Variants in CCDC8 observed in about 807,000 individuals in gnomAD.
The protein encoded by CCDC8 is coiled-coil domain-containing protein 8.
Under a neutral mutation model 5.2 loss-of-function variants are expected in CCDC8, and 6 were observed. The observed-to-expected ratio is 1.16, with a 90% confidence interval of 0.63 to 2.28. CCDC8 has a LOEUF of 2.28. Ranked by LOEUF, CCDC8 falls within the 30% of genes most tolerant of loss-of-function variation. CCDC8 has a pLI of 0.00. For synonymous variants in CCDC8, 310 were observed against 286.5 expected (o/e 1.08, Z -0.83); for missense variants, 724 against 712.2 (o/e 1.02, Z -0.19).
rs1315461195 is a variant in CCDC8, at chr19:46,411,552, G to A, written c.1259C>T (p.Pro420Leu). 2 of 1,611,044 alleles carry A rather than the reference G, an allele frequency of 1.2e-6. No individual in the cohort carries two copies. Among genetic ancestry groups the A allele is most frequent in the Non-Finnish European group, 1.7e-6 (2 of 1,179,440 alleles). ...EAVHDQRERA[P>L]AVQGADNQRA... ...CTGATTATCTGCACCCTGGACAGCT[G>A]GGGCCCTTTCCCTCTGGTCATGTAC... The change falls in exon 1 of 1, where the codon CCA (proline) becomes CTA (leucine). Residue 420 changes from proline (P) to leucine (L), a missense_variant. Physicochemically the swap from Pro to Leu is moderately conservative, Grantham distance 98 (BLOSUM62 -3). Coordinates refer to ENST00000307522, the MANE Select transcript of CCDC8 (RefSeq NM_032040.5).
At position 46,412,991 on chromosome 19, in the gene CCDC8, G is replaced by T; in HGVS notation, c.-181C>A. On this transcript the variant is annotated 5_prime_UTR_variant, in exon 1 of 1. Transcript: ENST00000307522. This position sits in a 1 kb window ranked among gnomAD's most constrained non-coding sequence, Gnocchi z 4.7. Reference sequence around the variant, plus strand: ...CCCAGGGGAACCAGCCCCCCACGTGGCTTTTCTCGAGAGTCTTTAAGATCT... The same window carrying T: ...CCCAGGGGAACCAGCCCCCCACGTGTCTTTTCTCGAGAGTCTTTAAGATCT... 1 of 779,958 alleles carries T rather than the reference G, an allele frequency of 1.3e-6. No individual in the cohort carries two copies. The highest frequency in any genetic ancestry group is 2.1e-6 in the Non-Finnish European group (1 of 469,130). The allele number at this position is 779,958 out of a possible 1,614,324, so 48.3% of individuals were successfully genotyped here. A position where few individuals can be genotyped will look rare whatever the true frequency, so the allele number is the denominator to read the frequency against.
rs1351269570 is a variant in CCDC8 at position 46,413,408 on chromosome 19, A to T, written c.-598T>A. 1 of 167,656 alleles carries T rather than the reference A, an allele frequency of 6.0e-6. No homozygotes were observed. Among genetic ancestry groups the T allele is most frequent in the African/African-American group, 2.4e-5 (1 of 41,218 alleles). 10.4% of individuals were successfully genotyped at this position (167,656 alleles called of 1,614,324 possible). On this transcript the variant is annotated 5_prime_UTR_variant, in exon 1 of 1. It adds an upstream start codon to the 5' untranslated region. Transcript: ENST00000307522. ...AACTTGGGACAGGACTTCGCAGACA[A>T]AGACGGTCCAGTCGAAGCTATTCAA... is the stretch of plus-strand genomic sequence containing the variant.
Position 46,411,920 on chromosome 19 carries a change from T to C in CCDC8, c.891A>G (p.Gly297=). 6.2e-7 allele frequency: 1 copy of C among 1,611,828 alleles called. No homozygotes were observed. The highest frequency in any genetic ancestry group is 8.5e-7 in the Non-Finnish European group (1 of 1,178,970). ...QGADIEADQG[G]EAADSQREEA... ...CTTCCCTTTGACTATCTGCAGCCTC[T>C]CCCCCCTGATCAGCCTCGATGTCTG... The change falls in exon 1 of 1, where the codon GGA becomes GGG. Residue 297 remains glycine (G), a synonymous_variant. Coordinates refer to ENST00000307522, the MANE Select transcript of CCDC8 (RefSeq NM_032040.5).
chr19:46,413,080 G>C lies in CCDC8; in HGVS notation c.-270C>G. The C allele has an allele frequency of 1.8e-6, 1 of 552,198 alleles. No homozygotes were observed. The highest frequency in any genetic ancestry group is 3.4e-6 in the Non-Finnish European group (1 of 297,966). 34.2% of individuals were successfully genotyped at this position (552,198 alleles called of 1,614,324 possible). On this transcript the variant is annotated 5_prime_UTR_variant, in exon 1 of 1. Transcript: ENST00000307522. ...ACAAACTACTGTAGCCCTTAGTCTT[G>C]AGGGAGGGACTGGATGGGGGGAGTT...
chr19:46,411,446 T>C lies in CCDC8; in HGVS notation c.1365A>G (p.Glu455=). The part of the protein sequence containing the change: ...RAGAPGIQEA[E]VSAAQGTTGT... Reference sequence around the variant, plus strand: ...CTGTGGTCCCTTGGGCAGCTGAGACTTCAGCTTCCTGGATACCTGGGGCCC... The same window carrying C: ...CTGTGGTCCCTTGGGCAGCTGAGACCTCAGCTTCCTGGATACCTGGGGCCC... The change falls in exon 1 of 1, where the codon GAA becomes GAG. Residue 455 remains glutamate, a synonymous_variant. Transcript: ENST00000307522. 4 of 1,614,184 alleles carry C rather than the reference T, an allele frequency of 2.5e-6. No individual in the cohort carries two copies. The highest frequency in any genetic ancestry group is 3.4e-6 in the Non-Finnish European group (4 of 1,180,012).
rs147565099 is a variant in CCDC8, at chr19:46,412,836, C to A, written c.-26G>T. ...CCCCACCGTGGAGTCCTCCTCCTTG[C>A]GGAACACCTTGCCGATCTTCTTAAA... On this transcript the variant is annotated 5_prime_UTR_variant, in exon 1 of 1. Coordinates refer to ENST00000307522, the MANE Select transcript of CCDC8 (RefSeq NM_032040.5). The surrounding 1 kb of genome is among the most constrained non-coding windows in gnomAD (Gnocchi z 4.7). 10 of 1,613,498 alleles carry A rather than the reference C, an allele frequency of 6.2e-6. No individual in the cohort carries two copies. Among genetic ancestry groups the A allele is most frequent in the African/African-American group, 2.7e-5 (2 of 74,896 alleles).
Position 46,412,078 on chromosome 19 carries a change from G to T in CCDC8, c.733C>A (p.Pro245Thr). 1 of 1,599,870 alleles carries T rather than the reference G, an allele frequency of 6.3e-7. No individual in the cohort carries two copies. The change falls in exon 1 of 1, where the codon CCG becomes ACG. Residue 245 changes from proline (P) to threonine (T), a missense_variant. Pro to Thr is a conservative substitution (Grantham distance 38, BLOSUM62 -1). Coordinates refer to ENST00000307522, the MANE Select transcript of CCDC8 (RefSeq NM_032040.5). The surrounding 1 kb of genome is among the most constrained non-coding windows in gnomAD (Gnocchi z 4.7). Reference protein sequence around the residue: ...GVSSAPEGTSPGDRLGNAGDV... With the variant: ...GVSSAPEGTSTGDRLGNAGDV... ...CCCGCGTTTCCCAAGCGATCCCCCGGGCTGGTGCCCTCTGGCGCCGATGAT... is the reference window on the plus strand; with the variant it reads ...CCCGCGTTTCCCAAGCGATCCCCCGTGCTGGTGCCCTCTGGCGCCGATGAT...
Position 46,411,994 on chromosome 19 carries a change from A to AGGCC in CCDC8, c.813_816dup (p.Ser273GlyfsTer23). 1.9e-6 allele frequency: 3 copies of AGGCC among 1,606,730 alleles called. No homozygotes were observed. Among genetic ancestry groups the AGGCC allele is most frequent in the Non-Finnish European group, 2.5e-6 (3 of 1,179,912 alleles). ...TGCTCCTTCCTGCGGCGCCGAAAGGAGGCCCAGTTGATCTTGGGCCTCCAT... is the reference window on the plus strand; with the variant it reads ...TGCTCCTTCCTGCGGCGCCGAAAGGAGGCCGGCCCAGTTGATCTTGGGCCTCCAT... On this transcript the variant is annotated frameshift_variant, in exon 1 of 1. Coordinates refer to ENST00000307522, the MANE Select transcript of CCDC8 (RefSeq NM_032040.5). LOFTEE classifies it low-confidence loss of function (END_TRUNC).
rs145652080 is a variant in CCDC8, at chr19:46,411,993, G to A, written c.818C>T (p.Ser273Phe). Residue 273 changes from serine (S) to phenylalanine (F), a missense_variant, in exon 1 of 1, where the codon TCC becomes TTC. Physicochemically the swap from Ser to Phe is radical, Grantham distance 155 (BLOSUM62 -2). Transcript: ENST00000307522. ...RRWRPKINWASFRRRRKEQTA... is the reference protein window; with the variant it reads ...RRWRPKINWAFFRRRRKEQTA... ...CTGCTCCTTCCTGCGGCGCCGAAAG[G>A]AGGCCCAGTTGATCTTGGGCCTCCA... 1.1e-4 allele frequency: 183 copies of A among 1,606,950 alleles called. 1 individual carries two copies. In the Middle Eastern group the frequency reaches 3.3e-3, roughly 29 times the overall value.
At position 46,411,277 on chromosome 19, in the gene CCDC8, C is replaced by T. The variant is rs757272006; in HGVS notation, c.1534G>A (p.Ala512Thr). ...LPTLPKRVPRAGEARNLRVLR... is the reference protein window; with the variant it reads ...LPTLPKRVPRTGEARNLRVLR... Reference sequence around the variant, plus strand: ...ACCCTGAGGTTCCTGGCCTCTCCTGCCCTGGGGACTCTCTTGGGCAGGGTT... The same window carrying T: ...ACCCTGAGGTTCCTGGCCTCTCCTGTCCTGGGGACTCTCTTGGGCAGGGTT... The change falls in exon 1 of 1, where the codon GCA (alanine) becomes ACA (threonine). Residue 512 changes from alanine to threonine, a missense_variant. Transcript: ENST00000307522. 2 of 1,614,076 alleles carry T rather than the reference C, an allele frequency of 1.2e-6. No individual in the cohort carries two copies. The highest frequency in any genetic ancestry group is 2.7e-5 in the African/African-American group (2 of 74,936).
Position 46,411,321 on chromosome 19 carries a change from C to A in CCDC8, c.1490G>T (p.Trp497Leu). The part of the protein sequence containing the change: ...SWFCKRRRAF[W>L]HTPRLPTLPK... ...CAGGGTTGGCAACCGGGGAGTGTGCCAGAAGGCTCTCCGGCGCTTGCAAAA... is the reference window on the plus strand; with the variant it reads ...CAGGGTTGGCAACCGGGGAGTGTGCAAGAAGGCTCTCCGGCGCTTGCAAAA... The change falls in exon 1 of 1, where the codon TGG (tryptophan) becomes TTG (leucine). Residue 497 changes from tryptophan (W) to leucine (L), a missense_variant. Physicochemically the swap from Trp to Leu is moderately conservative, Grantham distance 61. Transcript: ENST00000307522. 6.2e-7 allele frequency: 1 copy of A among 1,614,200 alleles called. No individual in the cohort carries two copies. The highest frequency in any genetic ancestry group is 8.5e-7 in the Non-Finnish European group (1 of 1,180,038).
rs1973236398 is a variant in CCDC8, at chr19:46,411,959, G to A, written c.852C>T (p.Pro284=). 2 of 1,610,414 alleles carry A rather than the reference G, an allele frequency of 1.2e-6. No individual in the cohort carries two copies. The highest frequency in any genetic ancestry group is 1.7e-6 in the Non-Finnish European group (2 of 1,179,530). Residue 284 remains proline, a synonymous_variant, in exon 1 of 1, where the codon CCC becomes CCT. Coordinates refer to ENST00000307522, the MANE Select transcript of CCDC8 (RefSeq NM_032040.5). ...CCTCGATGTCTGCCCCCTGACCTGT[G>A]GGTGCTGTCTGCTCCTTCCTGCGGC... ...FRRRRKEQTA[P]TGQGADIEAD... is the part of the protein sequence containing the mutation.
At position 46,412,207 on chromosome 19, in the gene CCDC8, A is replaced by C; in HGVS notation, c.604T>G (p.Ser202Ala). ...DRWREYVSQV[S>A]WGKLKRRVKG... ...ACCCTCCGCTTCAGCTTCCCCCAGG[A>C]CACCTGGCTGACATACTCCCGCCAC... Residue 202 changes from serine to alanine, a missense_variant, in exon 1 of 1, where the codon TCC becomes GCC. Ser to Ala is a moderately conservative substitution (Grantham distance 99). Transcript: ENST00000307522. The surrounding 1 kb of genome is among the most constrained non-coding windows in gnomAD (Gnocchi z 4.7). 2 of 1,599,318 alleles carry C rather than the reference A, an allele frequency of 1.3e-6. No homozygotes were observed. Among genetic ancestry groups the C allele is most frequent in the Non-Finnish European group, 1.7e-6 (2 of 1,179,706 alleles).
chr19:46,411,079 G>T lies in CCDC8; in HGVS notation c.*115C>A. ...AAAACTTTAACAAGAGAATAAAGAG[G>T]GTTGTTAGGTGGAGACGTGGCCAGC... On this transcript the variant is annotated 3_prime_UTR_variant, in exon 1 of 1. Transcript: ENST00000307522. The T allele has an allele frequency of 2.4e-6, 3 of 1,230,148 alleles. No homozygotes were observed. The highest frequency in any genetic ancestry group is 3.5e-6 in the Non-Finnish European group (3 of 865,430). The allele number at this position is 1,230,148 out of a possible 1,614,324, so 76.2% of individuals were successfully genotyped here.
At position 46,411,591 on chromosome 19, in the gene CCDC8, T is replaced by G; in HGVS notation, c.1220A>C (p.Gln407Pro). The change falls in exon 1 of 1, where the codon CAA becomes CCA. Residue 407 changes from glutamine to proline, a missense_variant. Transcript: ENST00000307522. ...CTGGTCATGTACGGCCTCTTCCCTTTGATTATCTGTAACCTCTGACCCCTG... is the reference window on the plus strand; with the variant it reads ...CTGGTCATGTACGGCCTCTTCCCTTGGATTATCTGTAACCTCTGACCCCTG... Reference protein sequence around the residue: ...ADQGSEVTDNQREEAVHDQRE... With the variant: ...ADQGSEVTDNPREEAVHDQRE... 1 of 1,613,884 alleles carries G rather than the reference T, an allele frequency of 6.2e-7. No homozygotes were observed. Among genetic ancestry groups the G allele is most frequent in the Non-Finnish European group, 8.5e-7 (1 of 1,179,996 alleles).
chr19:46,413,135 C>G lies in CCDC8; in HGVS notation c.-325G>C, dbSNP rs776379522. ...CAACGCTGACCGGAGAGTCTCACCT[C>G]CCTAGCCAGGGACGAGCCAAACGCC... On this transcript the variant is annotated 5_prime_UTR_variant, in exon 1 of 1. Transcript: ENST00000307522. The G allele has an allele frequency of 1.6e-5, 7 of 438,768 alleles. No individual in the cohort carries two copies. Among genetic ancestry groups the G allele is most frequent in the Non-Finnish European group, 3.0e-5 (7 of 230,700 alleles). 27.2% of individuals were successfully genotyped at this position (438,768 alleles called of 1,614,324 possible). A position where few individuals can be genotyped will look rare whatever the true frequency, so the allele number is the denominator to read the frequency against.
rs1973254827 is a variant in CCDC8, at chr19:46,413,119, C to G, written c.-309G>C. ...ATGGGGGGAGTTCCAGCAACGCTGA[C>G]CGGAGAGTCTCACCTCCCTAGCCAG... On this transcript the variant is annotated 5_prime_UTR_variant, in exon 1 of 1. Coordinates refer to ENST00000307522, the MANE Select transcript of CCDC8 (RefSeq NM_032040.5). The G allele has an allele frequency of 2.1e-6, 1 of 468,564 alleles. No individual in the cohort carries two copies. Among genetic ancestry groups the G allele is most frequent in the Non-Finnish European group, 4.0e-6 (1 of 248,560 alleles). 29.0% of individuals were successfully genotyped at this position (468,564 alleles called of 1,614,324 possible).
Position 46,411,210 on chromosome 19 carries a change from T to A in CCDC8, c.1601A>T (p.Gln534Leu). The change falls in exon 1 of 1, where the codon CAA (glutamine) becomes CTA (leucine). Residue 534 changes from glutamine (Q) to leucine (L), a missense_variant. Gln to Leu is a moderately radical substitution (Grantham distance 113). Transcript: ENST00000307522. ...EARAEAEQGE[Q>L]EDQL ...GCCCTCACCTCACAGCTGGTCTTCT[T>A]GCTCTCCCTGCTCAGCTTCTGCTCT... 1 of 1,614,118 alleles carries A rather than the reference T, an allele frequency of 6.2e-7. No individual in the cohort carries two copies. Among genetic ancestry groups the A allele is most frequent in the Non-Finnish European group, 8.5e-7 (1 of 1,180,022 alleles).
chr19:46,412,376 C>G lies in CCDC8; in HGVS notation c.435G>C (p.Glu145Asp). Residue 145 changes from glutamate to aspartate, a missense_variant, in exon 1 of 1, where the codon GAG becomes GAC. By Grantham distance (45) the Glu-to-Asp change is conservative. Coordinates refer to ENST00000307522, the MANE Select transcript of CCDC8 (RefSeq NM_032040.5). The surrounding 1 kb of genome is among the most constrained non-coding windows in gnomAD (Gnocchi z 4.7). ...LGSKFLGSDL[E>D]SEDDEELVEA... ...CGACCAGTTCCTCATCATCCTCACT[C>G]TCCAGGTCGCTTCCCAGGAACTTGC... 6.2e-7 allele frequency: 1 copy of G among 1,613,826 alleles called. No individual in the cohort carries two copies. Among genetic ancestry groups the G allele is most frequent in the Non-Finnish European group, 8.5e-7 (1 of 1,180,014 alleles).
Sources: allele counts gnomAD v4.1 joint callset, GRCh38; gene constraint gnomAD v4.1.1; non-coding constraint Gnocchi (gnomAD v3.1); transcripts MANE v1.5; gene names NCBI Gene and HGNC (gene_info 2026-07-23, HGNC 2026-07-21).